The following PRKN variants were observed in gnomAD, a reference collection of about 807,000 sequenced individuals.
PRKN encodes parkin RBR E3 ubiquitin protein ligase, also known as E3 ubiquitin-protein ligase parkin.
Under a neutral mutation model 59.5 loss-of-function variants are expected in PRKN, and 56 were observed. The observed-to-expected ratio is 0.94, with a 90% confidence interval of 0.76 to 1.18. PRKN has a LOEUF of 1.18. Ranked by LOEUF, PRKN falls within the 50% of genes most tolerant of loss-of-function variation. The probability of loss-of-function intolerance (pLI) is 0.00; values close to 1 mark genes in which losing one functional copy is unlikely to be tolerated. For synonymous variants in PRKN, 250 were observed against 222.1 expected (o/e 1.13, Z -1.12); for missense variants, 657 against 596.4 (o/e 1.10, Z -1.06).
intron 9 of PRKN, among the ~76,000 whole-genome samples, chr6:161,434,382 G>A (rs1328536615): frequency 6.6e-6 from 1 of 152,200 alleles, no homozygotes; most frequent in African/African-American, 2.4e-5. Context: ...TGCAGGGTGA[G>A]GGAGGGTGGC....
rs1269239072 is a variant in PRKN at position 161,573,531 on chromosome 6, TAATACA to T, written c.872-4121_872-4116del. On this transcript the variant is annotated intron_variant, in intron 7 of 11. Coordinates refer to ENST00000366898, the MANE Select transcript of PRKN (RefSeq NM_004562.3). ...GTCAGGAGATTGAGACCATCGTGGCTAATACAGTGAAACCCCGTCTCTACTAAAAAT... is the reference window on the plus strand; with the variant it reads ...GTCAGGAGATTGAGACCATCGTGGCTGTGAAACCCCGTCTCTACTAAAAAT... 6.6e-5 allele frequency among the ~76,000 whole-genome samples: 10 copies of T among 150,690 alleles called. No homozygotes were observed. In the South Asian group the frequency reaches 1.1e-3, roughly 16 times the overall value.
intron 2 of PRKN, among the ~76,000 whole-genome samples, chr6:162,288,414 T>C (rs2004395): frequency 0.25 from 38,288 of 151,936 alleles, 5,203 homozygotes; most frequent in South Asian, 0.44. Flanking sequence ...GGTTTTCAGA[T>C]ATACGTCAAG....
At chr6:162,058,417 T>C (rs1380476989) in intron 4 of PRKN, among the ~76,000 whole-genome samples, 2 of 152,174 alleles carry the variant, frequency 1.3e-5, no homozygotes, top group East Asian at 1.9e-4. Flanking sequence ...AGGGACAAGG[T>C]GATCTCTGGC....
At chr6:162,646,042 T>G (rs9458623) in intron 1 of PRKN, among the ~76,000 whole-genome samples, 3 of 151,504 alleles carry the variant, frequency 2.0e-5, no homozygotes, top group African/African-American at 7.3e-5. Flanking sequence ...GCCTGGCTAA[T>G]TTTTTGTATT....
chr6:162,039,880 A>G (rs1783996796), intron 5 of PRKN, among the ~76,000 whole-genome samples: 1 of 152,232 alleles, frequency 6.6e-6, no homozygotes, highest in Admixed American at 6.5e-5. Flanking sequence ...ACACTGTGGA[A>G]GGTATGCCCG....
intron 6 of PRKN, among the ~76,000 whole-genome samples, chr6:161,929,755 C>T (rs1779103719): frequency 6.6e-6 from 1 of 152,000 alleles, no homozygotes; most frequent in African/African-American, 2.4e-5. Flanking sequence ...CACAAATGAT[C>T]TACCTGCCTC....
chr6:161,955,513 A>G (rs1327267469), intron 6 of PRKN, among the ~76,000 whole-genome samples: 3 of 152,128 alleles, frequency 2.0e-5, no homozygotes, highest in Non-Finnish European at 2.9e-5. Context: ...TTTTCATAGG[A>G]AAAAAAATTT....
intron 1 of PRKN, among the ~76,000 whole-genome samples, chr6:162,723,417 C>T (rs1372950244): frequency 6.6e-6 from 1 of 152,122 alleles, no homozygotes; most frequent in Non-Finnish European, 1.5e-5. Context: ...GCAGGGCCAC[C>T]AAGGACAGTT....
rs117175592 is a variant in PRKN at position 162,190,905 on chromosome 6, A to G, written c.534+10226T>C. Among the ~76,000 whole-genome samples, 1,281 of 152,310 alleles carry G rather than the reference A, an allele frequency of 8.4e-3. 8 individuals carry two copies. Among genetic ancestry groups the G allele is most frequent in the Non-Finnish European group, 0.012 (815 of 68,028 alleles). ...TACAGATGTAGTTTTTACTTCCACAAGTCTTGATAAAGCTCCTCAGTGCTC... is the reference window on the plus strand; with the variant it reads ...TACAGATGTAGTTTTTACTTCCACAGGTCTTGATAAAGCTCCTCAGTGCTC... On this transcript the variant is annotated intron_variant, in intron 4 of 11. Coordinates refer to ENST00000366898, the MANE Select transcript of PRKN (RefSeq NM_004562.3).
intron 3 of PRKN, among the ~76,000 whole-genome samples, chr6:162,212,287 A>G (rs1312268317): frequency 1.3e-5 from 2 of 152,040 alleles, no homozygotes; most frequent in African/African-American, 2.4e-5. Context: ...CCGAGATTTG[A>G]AGCTTCTCAA....
intron 1 of PRKN, among the ~76,000 whole-genome samples, chr6:162,691,540 C>G (rs189446821): frequency 1.3e-5 from 2 of 151,802 alleles, no homozygotes; most frequent in Admixed American, 1.3e-4. Flanking sequence ...CATTGGATAT[C>G]CAAAGAAAAA....
At chr6:162,679,113 A>ATTTATTTATTTATTTATTT (rs376603751) in intron 1 of PRKN, among the ~76,000 whole-genome samples, 3 of 45,652 alleles carry the variant, frequency 6.6e-5, no homozygotes, top group East Asian at 2.5e-3. Context: ...TTTATTTATG[A>ATTTATTTATTTATTTATTT]ATGAATGAGA....
At chr6:161,583,839 G>A (rs116046839) in intron 7 of PRKN, among the ~76,000 whole-genome samples, 71 of 152,216 alleles carry the variant, frequency 4.7e-4, no homozygotes, top group African/African-American at 1.7e-3. Flanking sequence ...TATCCTTGAG[G>A]CAAACCCTAA....
intron 7 of PRKN, among the ~76,000 whole-genome samples, chr6:161,640,881 A>G (rs1479537666): frequency 6.6e-6 from 1 of 152,238 alleles, no homozygotes; most frequent in East Asian, 1.9e-4. Context: ...TGCTGTGCTG[A>G]ATAAATTAAC....
rs35921902 is a variant in PRKN, at chr6:162,146,468, C to CATAT, written c.534+54659_534+54662dup. 1.6e-4 allele frequency among the ~76,000 whole-genome samples: 24 copies of CATAT among 149,926 alleles called. No homozygotes were observed. The East Asian group carries it at 3.9e-3, about 25-fold the overall frequency. The stretch of plus-strand genomic sequence containing the variant: ...TCGATAGATAGATAGATATACTAAA[C>CATAT]ATATATATATACGTATGTATATATA... On this transcript the variant is annotated intron_variant, in intron 4 of 11. Coordinates refer to ENST00000366898, the MANE Select transcript of PRKN (RefSeq NM_004562.3).
intron 9 of PRKN, among the ~76,000 whole-genome samples, chr6:161,420,132 A>G (rs949717087): frequency 6.6e-6 from 1 of 151,574 alleles, no homozygotes; most frequent in African/African-American, 2.4e-5. Context: ...CAGCTACTTG[A>G]GAGGCTGAGA....
At chr6:162,539,034 G>T (rs1004072423) in intron 1 of PRKN, among the ~76,000 whole-genome samples, 11 of 152,168 alleles carry the variant, frequency 7.2e-5, no homozygotes, top group South Asian at 4.1e-4. Context: ...GGGCTGTGAG[G>T]ACACATGAAG....
At chr6:162,421,789 A>G (rs1213681777) in intron 2 of PRKN, among the ~76,000 whole-genome samples, 2 of 152,230 alleles carry the variant, frequency 1.3e-5, no homozygotes, top group African/African-American at 2.4e-5. Context: ...CATAATGTTG[A>G]CCAGTAACTA....
chr6:161,633,567 C>A (rs1783394970), intron 7 of PRKN, among the ~76,000 whole-genome samples: 1 of 152,194 alleles, frequency 6.6e-6, no homozygotes, highest in Non-Finnish European at 1.5e-5. Flanking sequence ...AAAGCCACAT[C>A]ATACTGTGGA....
Sources: gnomAD v4.1 joint callset for allele counts (sites outside exome capture counted in the v4.1 genomes callset) on GRCh38, gnomAD v4.1.1 for gene constraint, MANE v1.5 for transcripts, NCBI Gene and HGNC (gene_info 2026-07-23, HGNC 2026-07-21) for gene names.